The following POLR3K variants were observed in gnomAD, a reference collection of about 807,000 sequenced individuals.
The protein encoded by POLR3K is DNA-directed RNA polymerase III subunit RPC10.
POLR3K carries 11 observed loss-of-function variants against 13.5 expected under a neutral mutation model. That is an observed-to-expected ratio of 0.81 (90% CI 0.51 to 1.35). The LOEUF (loss-of-function observed/expected upper bound fraction) is 1.35. Ranked by LOEUF, POLR3K falls within the 40% of genes most tolerant of loss-of-function variation. The probability of loss-of-function intolerance (pLI) is 0.00; values close to 1 mark genes in which losing one functional copy is unlikely to be tolerated. For synonymous variants in POLR3K, 56 were observed against 51.5 expected, an observed-to-expected ratio of 1.09 and a Z score of -0.38; for missense variants, 144 against 145.3, an observed-to-expected ratio of 0.99 and a Z score of 0.05.
rs1437231883 is a variant in POLR3K, at chr16:46,718, T to A, written c.*712A>T. The A allele has an allele frequency of 7.1e-6, 1 of 140,410 alleles. No homozygotes were observed. Among genetic ancestry groups the A allele is most frequent in the Non-Finnish European group, 1.5e-5 (1 of 66,410 alleles). 8.7% of individuals were successfully genotyped at this position (140,410 alleles called of 1,614,324 possible). A position where few individuals can be genotyped will look rare whatever the true frequency, so the allele number is the denominator to read the frequency against. The stretch of plus-strand genomic sequence containing the variant: ...CAGCCTGGGCGACAGAACAAGACTC[T>A]GTCTTAAATAAATAAATAAATAAAT... On this transcript the variant is annotated 3_prime_UTR_variant, in exon 3 of 3. Transcript: ENST00000293860.
chr16:49,649 T>C (rs1897314771), intron 2 of POLR3K, among the ~76,000 whole-genome samples: 1 of 151,294 alleles, frequency 6.6e-6, no homozygotes, highest in Non-Finnish European at 1.5e-5. Flanking sequence ...TGTTTTTTTT[T>C]TTTTTTTGAG....
At chr16:50,518 C>G (rs1169518505) in intron 2 of POLR3K, among the ~76,000 whole-genome samples, 3 of 152,072 alleles carry the variant, frequency 2.0e-5, no homozygotes, top group South Asian at 2.1e-4. Flanking sequence ...TTTATATAGA[C>G]AAAAGGGGTT....
intron 1 of POLR3K, 116 bp from the exon 2 acceptor site, chr16:51,761 C>G: frequency 1.3e-6 from 1 of 780,058 alleles, no homozygotes; most frequent in Middle Eastern, 2.9e-4. Context: ...TGGCTGACAC[C>G]TGTAATCCCA....
At position 48,534 on chromosome 16, in the gene POLR3K, G is replaced by C. The variant is rs147939842; in HGVS notation, c.200-977C>G. Among the ~76,000 whole-genome samples the C allele has an allele frequency of 2.6e-4, 39 of 152,216 alleles. 1 individual carries two copies. The East Asian group carries it at 7.5e-3, about 29-fold the overall frequency. Reference sequence around the variant, plus strand: ...TGTCAAGAATTGAGCATTAAGGGCCGGGCGCGGTGGCTCACGCCTGTAATC... The same window carrying C: ...TGTCAAGAATTGAGCATTAAGGGCCCGGCGCGGTGGCTCACGCCTGTAATC... On this transcript the variant is annotated intron_variant, in intron 2 of 2. Coordinates refer to ENST00000293860, the MANE Select transcript of POLR3K (RefSeq NM_016310.5).
intron 2 of POLR3K, among the ~76,000 whole-genome samples, chr16:50,534 T>A (rs1326113613): frequency 6.6e-6 from 1 of 152,170 alleles, no homozygotes; most frequent in Non-Finnish European, 1.5e-5. Context: ...GGGTTTTGTT[T>A]GTTTTGAGAC....
intron 2 of POLR3K, among the ~76,000 whole-genome samples, chr16:49,077 G>A (rs563343510): frequency 2.6e-5 from 4 of 151,866 alleles, no homozygotes; most frequent in East Asian, 3.9e-4. Flanking sequence ...GCTTGAACCC[G>A]GGCAGCATAG....
At chr16:49,644 T>G (rs1196160892) in intron 2 of POLR3K, among the ~76,000 whole-genome samples, 1 of 150,884 alleles carries the variant, frequency 6.6e-6, no homozygotes, top group Non-Finnish European at 1.5e-5. Flanking sequence ...TAATTTGTTT[T>G]TTTTTTTTTT....
intron 1 of POLR3K, 200 bp downstream of exon 1, chr16:53,276 G>A (rs773563478): frequency 1.4e-4 from 157 of 1,094,286 alleles, no homozygotes; most frequent in Middle Eastern, 6.3e-4. Flanking sequence ...GTGGGAGCAG[G>A]AACCCAAGGC....
At chr16:51,078 G>A (rs141186964) in intron 2 of POLR3K, among the ~76,000 whole-genome samples, 3 of 152,242 alleles carry the variant, frequency 2.0e-5, no homozygotes, top group African/African-American at 4.8e-5. Context: ...TGGGGATTAC[G>A]GAAACTATAA....
chr16:47,882 A>T (rs1596456582), intron 2 of POLR3K, among the ~76,000 whole-genome samples: 2 of 93,472 alleles, frequency 2.1e-5, no homozygotes, highest in Non-Finnish European at 2.2e-5. Flanking sequence ...AGTAGGTATT[A>T]CTATAATATC....
At chr16:50,969 T>A (rs2141834441) in intron 2 of POLR3K, among the ~76,000 whole-genome samples, 1 of 152,280 alleles carries the variant, frequency 6.6e-6, no homozygotes, top group South Asian at 2.1e-4. Context: ...TATAAAACGA[T>A]CTGATCTTGT....
Position 47,423 on chromosome 16 carries a change from C to T in POLR3K, c.*7G>A, listed in dbSNP as rs773339063. Reference sequence around the variant, plus strand: ...GCACACACTAGGGCAGCTGGGCCATCCTGGCCCTAATCCCTCCAGCGGTGT... The same window carrying T: ...GCACACACTAGGGCAGCTGGGCCATTCTGGCCCTAATCCCTCCAGCGGTGT... On this transcript the variant is annotated 3_prime_UTR_variant, in exon 3 of 3. Coordinates refer to ENST00000293860, the MANE Select transcript of POLR3K (RefSeq NM_016310.5). 6.2e-7 allele frequency: 1 copy of T among 1,611,972 alleles called. No homozygotes were observed. The highest frequency in any genetic ancestry group is 2.2e-5 in the East Asian group (1 of 44,792).
chr16:53,298 G>T (rs1322349888), intron 1 of POLR3K, 178 bp downstream of exon 1: 2 of 1,248,074 alleles, frequency 1.6e-6, no homozygotes, highest in Non-Finnish European at 2.1e-6. Flanking sequence ...GTGGGAAACG[G>T]TGGGGCTTTC....
In POLR3K at chr16:53,284, G is replaced by A. The variant is rs554779967; in HGVS notation, c.111+192C>T. The stretch of plus-strand genomic sequence containing the variant: ...CGCGAGCGTGGGAGCAGGAACCCAA[G>A]GCGGTGGGAAACGGTGGGGCTTTCT... On this transcript the variant is annotated intron_variant, in intron 1 of 2. Coordinates refer to ENST00000293860, the MANE Select transcript of POLR3K (RefSeq NM_016310.5). The A allele has an allele frequency of 1.4e-4, 159 of 1,156,184 alleles. 1 individual carries two copies. The African/African-American group carries it at 2.4e-3, about 18-fold the overall frequency. 71.6% of individuals were successfully genotyped at this position (1,156,184 alleles called of 1,614,324 possible).
In POLR3K at chr16:51,628, G is replaced by A; in HGVS notation, c.129C>T (p.Tyr43=). Residue 43 remains tyrosine, a synonymous_variant, in exon 2 of 3, where the codon TAC becomes TAT. Coordinates refer to ENST00000293860, the MANE Select transcript of POLR3K (RefSeq NM_016310.5). ...NITRKVTNRK[Y]PKLKEVDDVL... is the part of the protein sequence containing the mutation. Reference sequence around the variant, plus strand: ...CATCATCCACTTCTTTCAGTTTTGGGTACTTCCGATTTGTTACCTAACAAA... The same window carrying A: ...CATCATCCACTTCTTTCAGTTTTGGATACTTCCGATTTGTTACCTAACAAA... 2 of 1,613,942 alleles carry A rather than the reference G, an allele frequency of 1.2e-6. No homozygotes were observed. The highest frequency in any genetic ancestry group is 2.2e-5 in the South Asian group (2 of 91,080).
intron 1 of POLR3K, chr16:53,021 G>A (rs778811781): frequency 3.5e-4 from 56 of 161,880 alleles, no homozygotes; most frequent in Non-Finnish European, 4.7e-4. Context: ...CACGATGAGA[G>A]ATCGTCCAGG....
rs779993458 is a variant in POLR3K, at chr16:51,643, T to C, written c.114A>G (p.Val38=). ...TCAGTTTTGGGTACTTCCGATTTGTTACCTAACAAAAACAACACTTCAGAC... is the reference window on the plus strand; with the variant it reads ...TCAGTTTTGGGTACTTCCGATTTGTCACCTAACAAAAACAACACTTCAGAC... ...CPYVHNITRK[V]TNRKYPKLKE... The change falls in exon 2 of 3, where the codon GTA becomes GTG. Residue 38 remains valine (V), a splice_region_variant and synonymous_variant. Coordinates refer to ENST00000293860, the MANE Select transcript of POLR3K (RefSeq NM_016310.5). The C allele has an allele frequency of 6.2e-7, 1 of 1,613,516 alleles. No homozygotes were observed. Among genetic ancestry groups the C allele is most frequent in the South Asian group, 1.1e-5 (1 of 91,082 alleles).
chr16:47,791 G>C (rs1271454225), intron 2 of POLR3K, among the ~76,000 whole-genome samples: 2 of 113,748 alleles, frequency 1.8e-5, no homozygotes, highest in Non-Finnish European at 3.3e-5. Context: ...TGAGGCAGGA[G>C]AATCGCTTGA....
At chr16:51,689 A>C (rs770661230) in intron 1 of POLR3K, 44 bp from the exon 2 acceptor site, 5 of 1,522,622 alleles carry the variant, frequency 3.3e-6, no homozygotes, top group Non-Finnish European at 9.1e-7. Flanking sequence ...TGAATAGCGC[A>C]AACCTGGGCT....
Sources: allele counts gnomAD v4.1 joint callset (sites outside exome capture counted in the v4.1 genomes callset), GRCh38; gene constraint gnomAD v4.1.1; transcripts MANE v1.5; gene names NCBI Gene and HGNC (gene_info 2026-07-23, HGNC 2026-07-21).